Variants in DAD1 observed in about 807,000 individuals in gnomAD.
DAD1 encodes the protein defender against cell death 1.
In DAD1, 4 loss-of-function variants were observed where a neutral mutation model predicts 9.0. That is an observed-to-expected ratio of 0.44 (90% CI 0.22 to 1.01). The LOEUF (loss-of-function observed/expected upper bound fraction) is 1.01. Ranked by LOEUF, DAD1 falls within the 50% of genes least tolerant of loss-of-function variation. DAD1 has a pLI of 0.24. For missense variants in DAD1, 119 were observed against 137.3 expected (o/e 0.87, Z 0.67); for synonymous variants, 60 against 62.5 (o/e 0.96, Z 0.19).
At chr14:22,580,188 T>C (rs75989354) in intron 1 of DAD1, among the ~76,000 whole-genome samples, 2,134 of 151,804 alleles carry the variant, frequency 0.014, 45 homozygotes, top group African/African-American at 0.048. Flanking sequence ...GAAACCAAGG[T>C]GGGAGGATCG....
intron 1 of DAD1, among the ~76,000 whole-genome samples, chr14:22,576,044 A>G (rs1429564954): frequency 6.6e-6 from 1 of 151,892 alleles, no homozygotes; most frequent in Non-Finnish European, 1.5e-5. Context: ...GCCACTGAGA[A>G]CTCGGCAGGA....
In DAD1 at chr14:22,565,155, C is replaced by T. The variant is rs1311182965; in HGVS notation, c.*45-18G>A. 1.4e-6 allele frequency: 1 copy of T among 702,202 alleles called. No homozygotes were observed. The highest frequency in any genetic ancestry group is 2.0e-5 in the Admixed American group (1 of 49,998). The allele number at this position is 702,202 out of a possible 1,614,324, so 43.5% of individuals were successfully genotyped here. A position where few individuals can be genotyped will look rare whatever the true frequency, so the allele number is the denominator to read the frequency against. On this transcript the variant is annotated intron_variant, in intron 2 of 2. Coordinates refer to ENST00000250498, the MANE Select transcript of DAD1 (RefSeq NM_001344.4). ...GAGTGAACCTAGAAGAAAAAAGCAG[C>T]AAGGTTAAATGTCTTATGATACTAG...
chr14:22,575,229 G>C lies in DAD1; in HGVS notation c.216C>G (p.Cys72Trp). ...SCVGSFILAV[C>W]LRIQINPQNK... ...TCTGTGGGTTGATCTGTATTCTCAGGCAAACTGCACAAGAAGCAAAACACA... is the reference window on the plus strand; with the variant it reads ...TCTGTGGGTTGATCTGTATTCTCAGCCAAACTGCACAAGAAGCAAAACACA... Residue 72 changes from cysteine (C) to tryptophan (W), a missense_variant, in exon 2 of 3, where the codon TGC becomes TGG. Physicochemically the swap from Cys to Trp is radical, Grantham distance 215. Transcript: ENST00000250498. 1 of 1,613,104 alleles carries C rather than the reference G, an allele frequency of 6.2e-7. No individual in the cohort carries two copies. Among genetic ancestry groups the C allele is most frequent in the Non-Finnish European group, 8.5e-7 (1 of 1,179,692 alleles).
intron 1 of DAD1, among the ~76,000 whole-genome samples, chr14:22,582,982 G>T (rs1019175032): frequency 6.8e-6 from 1 of 145,994 alleles, no homozygotes; most frequent in Non-Finnish European, 1.5e-5. Flanking sequence ...CTCCAGCCTG[G>T]GTGACAGAGT....
chr14:22,565,373 G>C (rs1384965), intron 2 of DAD1, among the ~76,000 whole-genome samples: 14,291 of 152,192 alleles, frequency 0.094, 1,236 homozygotes, highest in African/African-American at 0.23. Context: ...AAAGCAAAAC[G>C]AACTAGGAAC....
rs776302670 is a variant in DAD1 at position 22,589,166 on chromosome 14, G to A, written c.-9C>T. 7 of 1,613,916 alleles carry A rather than the reference G, an allele frequency of 4.3e-6. No homozygotes were observed. The South Asian group carries it at 4.4e-5, about 10-fold the overall frequency. ...ACTACCGACGCCGACATAACTGCAC[G>A]CAAGGTACTCCGGTCCGCGCCCCAA... On this transcript the variant is annotated 5_prime_UTR_variant, in exon 1 of 3. Coordinates refer to ENST00000250498, the MANE Select transcript of DAD1 (RefSeq NM_001344.4).
At chr14:22,574,258 T>C (rs1297675511) in intron 2 of DAD1, among the ~76,000 whole-genome samples, 1 of 152,174 alleles carries the variant, frequency 6.6e-6, no homozygotes, top group East Asian at 1.9e-4. Flanking sequence ...TGTTGTCTCA[T>C]ATATAAAGTA....
intron 2 of DAD1, among the ~76,000 whole-genome samples, chr14:22,567,596 C>G (rs888623503): frequency 6.6e-6 from 1 of 152,202 alleles, no homozygotes; most frequent in Non-Finnish European, 1.5e-5. Context: ...AACACCACAG[C>G]CACTAGACAC....
chr14:22,566,459 G>A (rs2037002741), intron 2 of DAD1, among the ~76,000 whole-genome samples: 1 of 152,028 alleles, frequency 6.6e-6, no homozygotes, highest in African/African-American at 2.4e-5. Flanking sequence ...TCAACCTGCT[G>A]AGTAGCTGGG....
At chr14:22,587,676 A>G (rs2037162652) in intron 1 of DAD1, among the ~76,000 whole-genome samples, 1 of 152,198 alleles carries the variant, frequency 6.6e-6, no homozygotes, top group Non-Finnish European at 1.5e-5. Flanking sequence ...GTGTCAGAAC[A>G]ATGTAAATGT....
intron 1 of DAD1, among the ~76,000 whole-genome samples, chr14:22,583,634 A>ATTAGAACATGT (rs2139246831): frequency 6.6e-6 from 1 of 152,240 alleles, no homozygotes; most frequent in South Asian, 2.1e-4. Flanking sequence ...AATAGACAAT[A>ATTAGAACATGT]TTAGAACATG....
chr14:22,580,828 C>A (rs896956981), intron 1 of DAD1, among the ~76,000 whole-genome samples: 3 of 152,112 alleles, frequency 2.0e-5, no homozygotes, highest in African/African-American at 7.2e-5. Context: ...AGTATACTCA[C>A]CACTTACAGA....
intron 2 of DAD1, among the ~76,000 whole-genome samples, chr14:22,570,016 T>C (rs1439366015): frequency 6.6e-6 from 1 of 151,398 alleles, no homozygotes; most frequent in Non-Finnish European, 1.5e-5. Context: ...GAAAAATGAG[T>C]TGAAAAAAGT....
At chr14:22,568,109 G>C (rs549342646) in intron 2 of DAD1, among the ~76,000 whole-genome samples, 2 of 149,442 alleles carry the variant, frequency 1.3e-5, no homozygotes, top group South Asian at 4.2e-4. Flanking sequence ...CCAAATGTCT[G>C]TTATCCAGTT....
chr14:22,583,508 G>T (rs1209176336), intron 1 of DAD1, among the ~76,000 whole-genome samples: 1 of 152,136 alleles, frequency 6.6e-6, no homozygotes, highest in Non-Finnish European at 1.5e-5. Flanking sequence ...GTTAAGGAAT[G>T]AATAGTTAAG....
chr14:22,569,295 T>G (rs1235500470), intron 2 of DAD1, among the ~76,000 whole-genome samples: 2 of 152,086 alleles, frequency 1.3e-5, no homozygotes, highest in African/African-American at 4.8e-5. Context: ...TAGCCAGGCG[T>G]GGGAGCACAC....
chr14:22,579,397 T>C (rs748234242), intron 1 of DAD1, among the ~76,000 whole-genome samples: 1 of 152,200 alleles, frequency 6.6e-6, no homozygotes, highest in Non-Finnish European at 1.5e-5. Flanking sequence ...ACTATCAGAC[T>C]AGTTCTCCAG....
At chr14:22,577,002 G>A (rs1439665225) in intron 1 of DAD1, among the ~76,000 whole-genome samples, 3 of 152,188 alleles carry the variant, frequency 2.0e-5, no homozygotes, top group Non-Finnish European at 2.9e-5. Context: ...AAACCCTTGT[G>A]CACTAACAAG....
intron 1 of DAD1, among the ~76,000 whole-genome samples, chr14:22,586,890 T>G (rs1330026234): frequency 1.3e-5 from 2 of 152,230 alleles, no homozygotes; most frequent in African/African-American, 2.4e-5. Context: ...AGAATTATCA[T>G]GAATCCCTTC....
Sources: allele counts gnomAD v4.1 joint callset (sites outside exome capture counted in the v4.1 genomes callset), GRCh38; gene constraint gnomAD v4.1.1; transcripts MANE v1.5; gene names NCBI Gene and HGNC (gene_info 2026-07-23, HGNC 2026-07-21).